The following ROBO2 variants were observed in gnomAD, a reference collection of about 807,000 sequenced individuals.
ROBO2 encodes the protein roundabout homolog 2.
A neutral mutation model predicts 160.8 loss-of-function variants in ROBO2; 53 were observed. The ratio of observed to expected loss-of-function variants is 0.33; its 90% CI spans 0.26 to 0.41. The LOEUF is 0.41. Ranked by LOEUF, ROBO2 falls within the 10% of genes least tolerant of loss-of-function variation. The pLI is 1.00. For synonymous variants in ROBO2, 664 were observed against 611.7 expected (o/e 1.09, Z -1.26); for missense variants, 1,577 against 1,722.4 (o/e 0.92, Z 1.49).
intron 2 of ROBO2, among the ~76,000 whole-genome samples, chr3:76,328,687 C>T (rs917350055): frequency 5.3e-5 from 8 of 151,824 alleles, no homozygotes; most frequent in African/African-American, 9.6e-5. Context: ...GGTGAAACCC[C>T]GTCACTACTA....
intron 2 of ROBO2, among the ~76,000 whole-genome samples, chr3:77,106,478 G>C (rs1404632061): frequency 6.6e-6 from 1 of 152,098 alleles, no homozygotes; most frequent in Non-Finnish European, 1.5e-5. Context: ...TTTCTCCCAG[G>C]ATTTGTGTTT....
intron 2 of ROBO2, among the ~76,000 whole-genome samples, chr3:76,133,242 A>T (rs1214130355): frequency 6.6e-6 from 1 of 152,106 alleles, no homozygotes; most frequent in Non-Finnish European, 1.5e-5. Context: ...AAGAAGGGAA[A>T]TATACAACCA....
chr3:76,555,425 G>GAAGAGGAAGAAGAAGAA (rs1399867100), intron 2 of ROBO2, among the ~76,000 whole-genome samples: 1 of 68,472 alleles, frequency 1.5e-5, no homozygotes, highest in Non-Finnish European at 3.3e-5. Flanking sequence ...AAGAAAGAAG[G>GAAGAGGAAGAAGAAGAA]AGAAGGGGAA....
chr3:75,952,944 G>T (rs1489611649), intron 2 of ROBO2, among the ~76,000 whole-genome samples: 4 of 152,006 alleles, frequency 2.6e-5, no homozygotes, highest in Admixed American at 6.6e-5. Context: ...TGCATTTAAA[G>T]GTTCCTGTGT....
At chr3:76,393,218 G>T (rs1359978943) in intron 2 of ROBO2, among the ~76,000 whole-genome samples, 3 of 152,120 alleles carry the variant, frequency 2.0e-5, no homozygotes, top group Non-Finnish European at 1.5e-5. Context: ...CTCTAGATAT[G>T]GAAACCAAGG....
At chr3:76,935,139 G>A (rs938806465) in intron 2 of ROBO2, among the ~76,000 whole-genome samples, 6 of 151,762 alleles carry the variant, frequency 4.0e-5, no homozygotes, top group African/African-American at 1.5e-4. Flanking sequence ...TTTTAGTAGA[G>A]ATGGTGTTTC....
At chr3:77,318,399 A>C (rs926348513) in intron 2 of ROBO2, among the ~76,000 whole-genome samples, 4 of 152,342 alleles carry the variant, frequency 2.6e-5, no homozygotes, top group South Asian at 2.1e-4. Flanking sequence ...ATTAATAAAA[A>C]ATAAAAGAAT....
In ROBO2 at chr3:76,672,211, C is replaced by T. The variant is rs146214440; in HGVS notation, c.110-425803C>T. ...TTGTGGGCTAAGATAATTTCAGAACCCACATTTACATATCAAGCAGAAAAA... is the reference window on the plus strand; with the variant it reads ...TTGTGGGCTAAGATAATTTCAGAACTCACATTTACATATCAAGCAGAAAAA... On this transcript the variant is annotated intron_variant, in intron 2 of 26. Transcript: ENST00000487694. Among the ~76,000 whole-genome samples the T allele has an allele frequency of 6.8e-3, 1,027 of 151,990 alleles. 13 individuals carry two copies. The highest frequency in any genetic ancestry group is 0.023 in the African/African-American group (967 of 41,454).
In ROBO2 at chr3:76,037,822, G is replaced by C. The variant is rs934596481; in HGVS notation, c.109+100220G>C. On this transcript the variant is annotated intron_variant, in intron 2 of 26. Transcript: ENST00000487694. ...AAATCCTTAACTACCCTTGGACAAT[G>C]AATATGAGTTTTTAAAGAAGTGCCA... is the stretch of plus-strand genomic sequence containing the variant. Among the ~76,000 whole-genome samples the C allele has an allele frequency of 2.0e-5, 3 of 151,996 alleles. No homozygotes were observed. The East Asian group carries it at 5.8e-4, about 29-fold the overall frequency.
chr3:77,107,320 G>T (rs1414594274), intron 2 of ROBO2, among the ~76,000 whole-genome samples: 2 of 152,086 alleles, frequency 1.3e-5, no homozygotes, highest in Non-Finnish European at 2.9e-5. Context: ...TTCAAGCAAG[G>T]GTTGTAAGAG....
At chr3:77,291,121 C>T (rs543080812) in intron 2 of ROBO2, among the ~76,000 whole-genome samples, 1 of 151,050 alleles carries the variant, frequency 6.6e-6, no homozygotes, top group Admixed American at 6.6e-5. Flanking sequence ...GGCTAGATCA[C>T]CCCAGACATA....
chr3:77,246,601 A>G (rs761690631), intron 2 of ROBO2, among the ~76,000 whole-genome samples: 2 of 152,168 alleles, frequency 1.3e-5, no homozygotes, highest in African/African-American at 2.4e-5. Context: ...CGTGCTCTAC[A>G]CTTCAGCATG....
chr3:76,341,824 C>T (rs541078842), intron 2 of ROBO2, among the ~76,000 whole-genome samples: 1 of 152,294 alleles, frequency 6.6e-6, no homozygotes, highest in African/African-American at 2.4e-5. Flanking sequence ...ACACTTGCAA[C>T]AGATGATGTA....
At chr3:76,487,165 G>C (rs1050495723) in intron 2 of ROBO2, among the ~76,000 whole-genome samples, 1 of 147,350 alleles carries the variant, frequency 6.8e-6, no homozygotes, top group African/African-American at 2.5e-5. Context: ...TTTTTTTGTA[G>C]AGACAGTGTC....
In ROBO2 at chr3:76,657,384, C is replaced by A. The variant is rs192122140; in HGVS notation, c.110-440630C>A. ...AGCTTGCAGTGAGCCGAGATCGCGCCCCTGCACTCCAGCCTGGGCCACAGA... is the reference window on the plus strand; with the variant it reads ...AGCTTGCAGTGAGCCGAGATCGCGCACCTGCACTCCAGCCTGGGCCACAGA... On this transcript the variant is annotated intron_variant, in intron 2 of 26. Transcript: ENST00000487694. 2.5e-3 allele frequency among the ~76,000 whole-genome samples: 379 copies of A among 151,178 alleles called. 1 individual carries two copies. Among genetic ancestry groups the A allele is most frequent in the African/African-American group, 8.7e-3 (358 of 41,178 alleles).
intron 1 of ROBO2, among the ~76,000 whole-genome samples, chr3:77,066,958 G>T (rs1001407481): frequency 1.3e-5 from 2 of 150,932 alleles, no homozygotes; most frequent in African/African-American, 4.9e-5. Context: ...TTTAAGAAAA[G>T]ATTCTTTTCC....
chr3:76,813,442 A>G (rs1461778091), intron 2 of ROBO2, among the ~76,000 whole-genome samples: 1 of 152,120 alleles, frequency 6.6e-6, no homozygotes. Flanking sequence ...CTTTGTTTTA[A>G]AATACTGTTT....
At position 76,292,142 on chromosome 3, in the gene ROBO2, A is replaced by G. The variant is rs181502868; in HGVS notation, c.109+354540A>G. Among the ~76,000 whole-genome samples, 71 of 152,278 alleles carry G rather than the reference A, an allele frequency of 4.7e-4. 1 individual carries two copies. Among genetic ancestry groups the G allele is most frequent in the Admixed American group, 4.2e-3 (64 of 15,280 alleles). ...TCCTGCTATGATTGTGTGGCTATCT[A>G]AGTTTCTACCATTTCTTGTTGGCTG... On this transcript the variant is annotated intron_variant, in intron 2 of 26. Transcript: ENST00000487694.
intron 2 of ROBO2, among the ~76,000 whole-genome samples, chr3:77,275,786 T>C (rs369476613): frequency 6.6e-6 from 1 of 152,148 alleles, no homozygotes; most frequent in African/African-American, 2.4e-5. Context: ...CACAGTTTGG[T>C]GTACAATATG....
Sources: gnomAD v4.1 joint callset for allele counts (sites outside exome capture counted in the v4.1 genomes callset) on GRCh38, gnomAD v4.1.1 for gene constraint, MANE v1.5 for transcripts, NCBI Gene and HGNC (gene_info 2026-07-23, HGNC 2026-07-21) for gene names.